Variants in TLE1 observed in about 807,000 individuals in gnomAD.
TLE1 encodes TLE family member 1, transcriptional corepressor.
A neutral mutation model predicts 89.8 loss-of-function variants in TLE1; 21 were observed. That is an observed-to-expected ratio of 0.23 (90% CI 0.17 to 0.34). The LOEUF is 0.34. TLE1 is among the 10% of genes least tolerant of loss of function. TLE1 has a pLI of 1.00. For missense variants in TLE1, 795 were observed against 1,031.2 expected, an observed-to-expected ratio of 0.77 and a Z score of 3.14; for synonymous variants, 447 against 407.6, an observed-to-expected ratio of 1.10 and a Z score of -1.16.
intron 4 of TLE1, among the ~76,000 whole-genome samples, chr9:81,661,457 A>C (rs901168528): frequency 6.6e-6 from 1 of 152,066 alleles, no homozygotes; most frequent in Non-Finnish European, 1.5e-5. Flanking sequence ...CCTCAAAGCA[A>C]TCCAATGGCA....
chr9:81,601,781 C>T (rs1043632265), intron 14 of TLE1, among the ~76,000 whole-genome samples: 2 of 152,024 alleles, frequency 1.3e-5, no homozygotes, highest in African/African-American at 4.8e-5. Context: ...TCTTATAAAC[C>T]AACACTACTT....
Position 81,657,926 on chromosome 9 carries a change from T to C in TLE1, c.235-3890A>G, listed in dbSNP as rs909226833. On this transcript the variant is annotated intron_variant, in intron 4 of 19. Coordinates refer to ENST00000376499, the MANE Select transcript of TLE1 (RefSeq NM_005077.5). ...ATAATTTTTTTTTTTTTTTTTTTTT[T>C]TAAGACAGAGTCTCGCTCTGTCACC... Among the ~76,000 whole-genome samples, 59 of 149,184 alleles carry C rather than the reference T, an allele frequency of 4.0e-4. 1 individual carries two copies. The South Asian group carries it at 0.012, about 30-fold the overall frequency.
rs1025398603 is a variant in TLE1, at chr9:81,583,979, C to G, written c.*219G>C. On this transcript the variant is annotated 3_prime_UTR_variant, in exon 20 of 20. Coordinates refer to ENST00000376499, the MANE Select transcript of TLE1 (RefSeq NM_005077.5). The stretch of plus-strand genomic sequence containing the variant: ...ATCCTACAACCCATGGCCCCTCTGT[C>G]CGCTTGGCCTTGGTGCTCCATTTGG... 3 of 540,046 alleles carry G rather than the reference C, an allele frequency of 5.6e-6. No homozygotes were observed. The African/African-American group carries it at 5.7e-5, about 10-fold the overall frequency. 33.5% of individuals were successfully genotyped at this position (540,046 alleles called of 1,614,324 possible).
At position 81,643,324 on chromosome 9, in the gene TLE1, C is replaced by T. The variant is rs201420106; in HGVS notation, c.372+8890G>A. On this transcript the variant is annotated intron_variant, in intron 6 of 19. Coordinates refer to ENST00000376499, the MANE Select transcript of TLE1 (RefSeq NM_005077.5). ...CGATCTCGGCTCACGGCAACCTCCA[C>T]CTCCTGGGTTCAAGCGATTCTCCTG... Among the ~76,000 whole-genome samples, 13 of 152,038 alleles carry T rather than the reference C, an allele frequency of 8.6e-5. No individual in the cohort carries two copies. In the East Asian group the frequency reaches 2.3e-3, roughly 27 times the overall value.
chr9:81,657,659 G>A (rs1830300279), intron 4 of TLE1, among the ~76,000 whole-genome samples: 3 of 152,070 alleles, frequency 2.0e-5, no homozygotes, highest in South Asian at 4.2e-4. Flanking sequence ...TGAATACAGT[G>A]GTCTCTCGGT....
At chr9:81,612,376 C>T in intron 12 of TLE1, 1 of 993,810 alleles carries the variant, frequency 1.0e-6, no homozygotes, top group Non-Finnish European at 1.2e-6. Flanking sequence ...GGTACCAATT[C>T]CAAATGAAAA....
At chr9:81,682,897 T>C (rs1323600105) in intron 4 of TLE1, among the ~76,000 whole-genome samples, 2 of 152,224 alleles carry the variant, frequency 1.3e-5, no homozygotes, top group African/African-American at 4.8e-5. Flanking sequence ...TTACCATTCC[T>C]GTTTCATTGC....
At position 81,620,533 on chromosome 9, in the gene TLE1, T is replaced by C; in HGVS notation, c.619A>G (p.Ser207Gly). Residue 207 changes from serine to glycine, a missense_variant, in exon 9 of 20, where the codon AGT becomes GGT. Ser to Gly is a moderately conservative substitution (Grantham distance 56). This residue lies in a region of TLE1 where 468 missense variants were observed against 509.1 expected (regional missense o/e 0.92). Transcript: ENST00000376499. ...CTGCGTTTATCTGTGCCTCTTAGACTGTCTGGGACCAGGAGGGAATTACTC... is the reference window on the plus strand; with the variant it reads ...CTGCGTTTATCTGTGCCTCTTAGACCGTCTGGGACCAGGAGGGAATTACTC... Reference protein sequence around the residue: ...GTSNSLLVPDSLRGTDKRRNG... With the variant: ...GTSNSLLVPDGLRGTDKRRNG... 6.2e-7 allele frequency: 1 copy of C among 1,613,128 alleles called. No homozygotes were observed. Among genetic ancestry groups the C allele is most frequent in the Non-Finnish European group, 8.5e-7 (1 of 1,179,760 alleles).
intron 9 of TLE1, among the ~76,000 whole-genome samples, chr9:81,619,392 T>G (rs555385869): frequency 6.6e-6 from 1 of 152,348 alleles, no homozygotes; most frequent in South Asian, 2.1e-4. Flanking sequence ...ATACTACAGC[T>G]GGCTCCAGCA....
At position 81,688,834 on chromosome 9, in the gene TLE1, G is replaced by A. The variant is rs934055986; in HGVS notation, c.-594C>T. On this transcript the variant is annotated 5_prime_UTR_variant, in exon 1 of 20. Coordinates refer to ENST00000376499, the MANE Select transcript of TLE1 (RefSeq NM_005077.5). ...TCGGCCGGGTGCTCGCAGGCTCCCGGGACGCAAAGGGGAGCGAGGTTGAAG... is the reference window on the plus strand; with the variant it reads ...TCGGCCGGGTGCTCGCAGGCTCCCGAGACGCAAAGGGGAGCGAGGTTGAAG... The A allele has an allele frequency of 6.6e-6, 1 of 152,302 alleles. No homozygotes were observed. The highest frequency in any genetic ancestry group is 2.4e-5 in the African/African-American group (1 of 41,470). The allele number at this position is 152,302 out of a possible 1,614,324, so 9.4% of individuals were successfully genotyped here.
chr9:81,591,456 C>T (rs181398669), intron 15 of TLE1, among the ~76,000 whole-genome samples: 123 of 152,318 alleles, frequency 8.1e-4, no homozygotes, highest in Non-Finnish European at 1.5e-3. Context: ...CACATTACCT[C>T]ATTAGTCAGA....
intron 12 of TLE1, 71 bp from the exon 13 acceptor site, chr9:81,612,030 T>A: frequency 8.2e-7 from 1 of 1,220,264 alleles, no homozygotes; most frequent in Non-Finnish European, 1.1e-6. Context: ...AAGTCTGGCC[T>A]CATCATTTGT....
Position 81,651,270 on chromosome 9 carries a change from T to C in TLE1, c.372+944A>G, listed in dbSNP as rs187948525. Among the ~76,000 whole-genome samples the C allele has an allele frequency of 1.0e-3, 158 of 152,320 alleles. 1 individual carries two copies. Among genetic ancestry groups the C allele is most frequent in the Non-Finnish European group, 6.2e-4 (42 of 68,030 alleles). ...GAATAAAATCAGAAAGGACGGTCCC[T>C]TGTTTCAGCTCCTTCTTTGGCTTAG... On this transcript the variant is annotated intron_variant, in intron 6 of 19. Coordinates refer to ENST00000376499, the MANE Select transcript of TLE1 (RefSeq NM_005077.5).
chr9:81,687,475 G>A (rs749355881), intron 1 of TLE1, 41 bp from the exon 2 acceptor site: 1 of 1,495,396 alleles, frequency 6.7e-7, no homozygotes, highest in Non-Finnish European at 9.2e-7. Flanking sequence ...ACGGGAATGC[G>A]GGCGGATGAA....
chr9:81,677,951 C>G (rs1833116325), intron 4 of TLE1, among the ~76,000 whole-genome samples: 2 of 152,142 alleles, frequency 1.3e-5, no homozygotes, highest in South Asian at 4.1e-4. Flanking sequence ...AAAGTTAATT[C>G]AACGGATAGA....
intron 1 of TLE1, 97 bp downstream of exon 1, chr9:81,688,120 G>A (rs1035596899): frequency 1.0e-5 from 15 of 1,493,222 alleles, no homozygotes; most frequent in African/African-American, 7.1e-5. Flanking sequence ...GGGCGAGAAG[G>A]TCCGCCGGGC....
intron 14 of TLE1, among the ~76,000 whole-genome samples, chr9:81,607,121 G>T (rs1262279593): frequency 6.6e-6 from 1 of 151,486 alleles, no homozygotes; most frequent in Non-Finnish European, 1.5e-5. Flanking sequence ...AGCAATGATT[G>T]CCAAAGGCCA....
intron 4 of TLE1, among the ~76,000 whole-genome samples, chr9:81,680,501 C>G (rs1443827173): frequency 6.6e-6 from 1 of 152,164 alleles, no homozygotes; most frequent in African/African-American, 2.4e-5. Context: ...ATCATGATAA[C>G]TATGTTTTGT....
At position 81,687,408 on chromosome 9, in the gene TLE1, G is replaced by C; in HGVS notation, c.51C>G (p.Pro17=). The change falls in exon 2 of 20, where the codon CCC becomes CCG. Residue 17 remains proline (P), a synonymous_variant. Transcript: ENST00000376499. ...GGGACTCCGGGATAGTGAACTTGAA[G>C]GGCTGGCCTGCAGCCTGGTGCGGCG... The part of the protein sequence containing the change: ...HPTPHQAAGQ[P]FKFTIPESLD... The C allele has an allele frequency of 6.2e-7, 1 of 1,611,364 alleles. No homozygotes were observed.
Sources: allele counts gnomAD v4.1 joint callset (sites outside exome capture counted in the v4.1 genomes callset), GRCh38; gene constraint gnomAD v4.1.1; regional missense constraint gnomAD v4.1.1; transcripts MANE v1.5; gene names NCBI Gene and HGNC (gene_info 2026-07-23, HGNC 2026-07-21).